The following PCNT variants were observed in gnomAD, a reference collection of about 807,000 sequenced individuals.
PCNT encodes kendrin.
A neutral mutation model predicts 380.4 loss-of-function variants in PCNT; 319 were observed. That is an observed-to-expected ratio of 0.84 (90% CI 0.77 to 0.92). The LOEUF (loss-of-function observed/expected upper bound fraction) is 0.92. Ranked by LOEUF, PCNT falls within the 40% of genes least tolerant of loss-of-function variation. The pLI is 0.00. For synonymous variants in PCNT, 1,845 were observed against 1,735.2 expected, an observed-to-expected ratio of 1.06 and a Z score of -1.57; for missense variants, 4,400 against 4,255.3, an observed-to-expected ratio of 1.03 and a Z score of -0.95.
chr21:46,368,384 C>G (rs1048234685), intron 15 of PCNT, among the ~76,000 whole-genome samples: 36 of 151,430 alleles, frequency 2.4e-4, no homozygotes, highest in South Asian at 1.0e-3. Context: ...GGAGGCGGAG[C>G]TTGCAGTGAT....
rs559478515 is a variant in PCNT at position 46,443,747 on chromosome 21, C to A, written c.9701-63C>A. 4.0e-4 allele frequency: 603 copies of A among 1,497,546 alleles called. 8 individuals are homozygous for A. The highest frequency in any genetic ancestry group is 3.6e-3 in the South Asian group (321 of 88,628). 92.8% of individuals were successfully genotyped at this position (1,497,546 alleles called of 1,614,324 possible). On this transcript the variant is annotated intron_variant, in intron 44 of 46. Transcript: ENST00000359568. ...TACGTTTAAACTGTTGATAGATGGG[C>A]CTTTACTAAAATGCATTCATTTATT...
At position 46,428,436 on chromosome 21, in the gene PCNT, G is replaced by A. The variant is rs61735818; in HGVS notation, c.7536G>A (p.Pro2512=). 87,862 of 1,612,398 alleles carry A rather than the reference G, an allele frequency of 0.054. 2,747 individuals carry two copies. Among genetic ancestry groups the A allele is most frequent in the Non-Finnish European group, 0.061 (72,454 of 1,179,806 alleles). The change falls in exon 35 of 47, where the codon CCG becomes CCA. Residue 2512 remains proline (P), a synonymous_variant. Transcript: ENST00000359568. The part of the protein sequence containing the change: ...QEKSLEHLRL[P]DRSSLLSEIQ... Reference sequence around the variant, plus strand: ...AGTCCCTGGAGCATCTTCGCTTGCCGGACCGGAGCAGCCTGCTGTCCGAGA... The same window carrying A: ...AGTCCCTGGAGCATCTTCGCTTGCCAGACCGGAGCAGCCTGCTGTCCGAGA...
At chr21:46,422,335 C>T (rs1322992451) in intron 32 of PCNT, among the ~76,000 whole-genome samples, 2 of 152,202 alleles carry the variant, frequency 1.3e-5, no homozygotes, top group Admixed American at 6.5e-5. Context: ...CTTAGGTGGC[C>T]GCCTCCCATC....
intron 27 of PCNT, among the ~76,000 whole-genome samples, chr21:46,404,239 C>G (rs2086555794): frequency 6.6e-6 from 1 of 152,262 alleles, no homozygotes; most frequent in African/African-American, 2.4e-5. Flanking sequence ...AAAACAACAA[C>G]AATAACAACA....
At chr21:46,351,130 A>G (rs1047444293) in intron 8 of PCNT, among the ~76,000 whole-genome samples, 2 of 152,080 alleles carry the variant, frequency 1.3e-5, no homozygotes, top group African/African-American at 4.8e-5. Context: ...ACAAGATGAA[A>G]CTGCACCGCT....
chr21:46,360,558 G>A (rs1225367068), intron 13 of PCNT, among the ~76,000 whole-genome samples: 2 of 121,978 alleles, frequency 1.6e-5, no homozygotes, highest in African/African-American at 3.2e-5. Context: ...TTGCTCTGTC[G>A]CCCAGGCTGG....
intron 13 of PCNT, among the ~76,000 whole-genome samples, chr21:46,361,587 A>G (rs768381910): frequency 2.0e-4 from 31 of 151,954 alleles, no homozygotes; most frequent in Non-Finnish European, 3.7e-4. Context: ...GTGTCAGGAG[A>G]TTTGCTTTGG....
At chr21:46,421,341 T>G (rs1032091469) in intron 31 of PCNT, among the ~76,000 whole-genome samples, 2 of 152,182 alleles carry the variant, frequency 1.3e-5, no homozygotes, top group Non-Finnish European at 2.9e-5. Flanking sequence ...CCAGGGCGCC[T>G]CCTCCTCGTC....
chr21:46,330,932 A>G (rs554254378), intron 2 of PCNT, among the ~76,000 whole-genome samples: 4 of 152,246 alleles, frequency 2.6e-5, no homozygotes, highest in African/African-American at 9.6e-5. Context: ...TGAAAGGTGC[A>G]TTTGTTTTAT....
chr21:46,414,788 C>T lies in PCNT; in HGVS notation c.6151-1281C>T, dbSNP rs577573109. On this transcript the variant is annotated intron_variant, in intron 29 of 46. Transcript: ENST00000359568. ...ACCCTCCTCCTGGACACACAGCCGC[C>T]CACTCTCCTCCTCCTGGACATGCAG... Among the ~76,000 whole-genome samples, 191 of 146,158 alleles carry T rather than the reference C, an allele frequency of 1.3e-3. 2 individuals are homozygous for T. The highest frequency in any genetic ancestry group is 4.7e-3 in the African/African-American group (184 of 38,778).
intron 1 of PCNT, chr21:46,325,066 T>A: frequency 1.0e-6 from 1 of 985,510 alleles, no homozygotes; most frequent in Non-Finnish European, 1.2e-6. Flanking sequence ...CGCCCCGGGT[T>A]TCTCCGTGAA....
At chr21:46,399,350 AGGTCTCTGTTCAGCCTGTGG>A (rs2086338579) in intron 24 of PCNT, among the ~76,000 whole-genome samples, 2 of 31,240 alleles carry the variant, frequency 6.4e-5, no homozygotes, top group African/African-American at 2.2e-4. Flanking sequence ...CTGTGGGTCT[AGGTCTCTGTTCAGCCTGTGG>A]GTCTGGGTCT....
chr21:46,349,066 A>T lies in PCNT; in HGVS notation c.1087A>T (p.Lys363Ter). ...EKDLCLENLR[K>*]ELSAKHQSEM... ...AGATTTATGTTTAGAAAATCTACGCAAAGAACTGTCTGCAAAGCATCAATC... is the reference window on the plus strand; with the variant it reads ...AGATTTATGTTTAGAAAATCTACGCTAAGAACTGTCTGCAAAGCATCAATC... The change falls in exon 7 of 47, where the codon AAA (lysine) becomes TAA (stop). Residue 363 changes from lysine to a stop codon, truncating the protein, a stop_gained. Coordinates refer to ENST00000359568, the MANE Select transcript of PCNT (RefSeq NM_006031.6). LOFTEE classifies it high-confidence loss of function. The T allele has an allele frequency of 1.2e-6, 2 of 1,608,418 alleles. No individual in the cohort carries two copies. Among genetic ancestry groups the T allele is most frequent in the Non-Finnish European group, 1.7e-6 (2 of 1,174,806 alleles).
intron 15 of PCNT, among the ~76,000 whole-genome samples, chr21:46,375,493 C>T (rs577197040): frequency 2.6e-5 from 4 of 152,216 alleles, no homozygotes; most frequent in Non-Finnish European, 5.9e-5. Context: ...TTTTTTGAAA[C>T]GTCTTTTTTG....
Position 46,418,407 on chromosome 21 carries a change from C to T in PCNT, c.7024+101C>T, listed in dbSNP as rs2087115907. On this transcript the variant is annotated intron_variant, in intron 31 of 46. Transcript: ENST00000359568. ...CATCCTTTGCCTGGTTCTGCGTCTG[C>T]CCCCCGCTGACCTCCACCCCGGCTC... 2.7e-5 allele frequency: 21 copies of T among 783,902 alleles called. 1 individual carries two copies. The South Asian group carries it at 3.1e-4, about 12-fold the overall frequency. 48.6% of individuals were successfully genotyped at this position (783,902 alleles called of 1,614,324 possible).
chr21:46,442,559 A>G lies in PCNT; in HGVS notation c.9686A>G (p.Lys3229Arg), dbSNP rs570091318. Reference protein sequence around the residue: ...VDRKGALAQGKAPRPGPRARQ... With the variant: ...VDRKGALAQGRAPRPGPRARQ... ...CGGAAAGGAGCTCTGGCACAAGGCAAAGCCCCTCGCCCAGGTGGGACTCCA... is the reference window on the plus strand; with the variant it reads ...CGGAAAGGAGCTCTGGCACAAGGCAGAGCCCCTCGCCCAGGTGGGACTCCA... Residue 3229 changes from lysine to arginine, a missense_variant, in exon 44 of 47, where the codon AAA (lysine) becomes AGA (arginine). Lys to Arg is a conservative substitution (Grantham distance 26). Transcript: ENST00000359568. 2 of 1,609,686 alleles carry G rather than the reference A, an allele frequency of 1.2e-6. No homozygotes were observed. The highest frequency in any genetic ancestry group is 2.2e-5 in the South Asian group (2 of 90,986).
intron 44 of PCNT, 29 bp downstream of exon 44, chr21:46,442,602 G>A: frequency 7.2e-7 from 1 of 1,381,104 alleles, no homozygotes; most frequent in Admixed American, 1.7e-5. Context: ...TTGACCGCTG[G>A]ACTCACAAAC....
At chr21:46,400,621 C>T (rs184211180) in intron 25 of PCNT, among the ~76,000 whole-genome samples, 3 of 144,544 alleles carry the variant, frequency 2.1e-5, no homozygotes, top group Non-Finnish European at 3.0e-5. Flanking sequence ...CGGGTTCAAG[C>T]GATCTCTCCT....
chr21:46,325,229 C>T, intron 1 of PCNT: 11 of 982,246 alleles, frequency 1.1e-5, no homozygotes, highest in Non-Finnish European at 1.2e-5. Flanking sequence ...CGCTCCCCCC[C>T]AGGATGTTCT....
Sources: allele counts gnomAD v4.1 joint callset (sites outside exome capture counted in the v4.1 genomes callset), GRCh38; gene constraint gnomAD v4.1.1; transcripts MANE v1.5; gene names NCBI Gene and HGNC (gene_info 2026-07-23, HGNC 2026-07-21).